TMEM181: variants seen among roughly 807,000 people sequenced by gnomAD.
TMEM181 encodes the protein transmembrane protein 181, also known as G protein-coupled receptor 178.
A neutral mutation model predicts 71.9 loss-of-function variants in TMEM181; 39 were observed. The observed-to-expected ratio is 0.54, with a 90% CI of 0.42 to 0.71. The LOEUF (loss-of-function observed/expected upper bound fraction) is 0.71, where lower values mean the gene tolerates loss of function less well. Ranked by LOEUF, TMEM181 falls within the 30% of genes least tolerant of loss-of-function variation. The pLI is 0.00. For missense variants in TMEM181, 595 were observed against 583.0 expected, an observed-to-expected ratio of 1.02 and a Z score of -0.21; for synonymous variants, 245 against 228.8, an observed-to-expected ratio of 1.07 and a Z score of -0.64.
chr6:158,631,436 C>T, intron 16 of TMEM181, 47 bp downstream of exon 16: 1 of 1,582,234 alleles, frequency 6.3e-7, no homozygotes. Flanking sequence ...GGCATCCCGG[C>T]ACGGCCTTGC....
At chr6:158,579,200 A>T (rs560245320) in intron 2 of TMEM181, among the ~76,000 whole-genome samples, 12 of 151,770 alleles carry the variant, frequency 7.9e-5, no homozygotes, top group African/African-American at 2.4e-4. Flanking sequence ...CGGAGGTTGC[A>T]GTGAGCCGAG....
intron 11 of TMEM181, among the ~76,000 whole-genome samples, 174 bp from the exon 12 acceptor site, chr6:158,624,930 C>T (rs1222760976): frequency 6.6e-6 from 1 of 152,222 alleles, no homozygotes; most frequent in East Asian, 1.9e-4. Context: ...CCTGTGCTCG[C>T]AGCGGGACTG....
At chr6:158,570,683 C>T (rs1253837902) in intron 1 of TMEM181, among the ~76,000 whole-genome samples, 1 of 152,098 alleles carries the variant, frequency 6.6e-6, no homozygotes, top group Non-Finnish European at 1.5e-5. Flanking sequence ...CCTACACCAA[C>T]TCCTCTGGGC....
At chr6:158,600,458 ATTTTTT>A (rs61457107) in intron 6 of TMEM181, among the ~76,000 whole-genome samples, 1 of 91,854 alleles carries the variant, frequency 1.1e-5, no homozygotes, top group South Asian at 4.1e-4. Flanking sequence ...CCTAGGGTTA[ATTTTTT>A]TTTTTTTTTT....
At chr6:158,569,640 G>A (rs552496060) in intron 1 of TMEM181, among the ~76,000 whole-genome samples, 45 of 147,380 alleles carry the variant, frequency 3.1e-4, no homozygotes, top group African/African-American at 8.8e-4. Flanking sequence ...TTGCTCTGTC[G>A]CCCAGGCTGG....
intron 15 of TMEM181, among the ~76,000 whole-genome samples, chr6:158,630,785 G>A (rs1179465688): frequency 6.6e-6 from 1 of 151,486 alleles, no homozygotes; most frequent in Non-Finnish European, 1.5e-5. Context: ...CTTGCACAGG[G>A]AATGAAAAGG....
intron 1 of TMEM181, among the ~76,000 whole-genome samples, chr6:158,569,088 C>T (rs1782665490): frequency 1.3e-5 from 2 of 152,214 alleles, no homozygotes; most frequent in Admixed American, 6.5e-5. Context: ...CGATCCTCCC[C>T]CCTCAGCCTC....
intron 6 of TMEM181, among the ~76,000 whole-genome samples, chr6:158,600,229 G>A (rs1364184775): frequency 6.6e-6 from 1 of 151,672 alleles, no homozygotes; most frequent in Admixed American, 6.6e-5. Context: ...AATGCAGTGC[G>A]ATCTTGGCTC....
At chr6:158,594,373 A>G (rs111992139) in intron 6 of TMEM181, among the ~76,000 whole-genome samples, 18 of 152,282 alleles carry the variant, frequency 1.2e-4, no homozygotes, top group African/African-American at 4.1e-4. Context: ...TGCTGGGATT[A>G]CATGCGTGAG....
intron 5 of TMEM181, among the ~76,000 whole-genome samples, chr6:158,588,306 T>C (rs1032574351): frequency 6.6e-6 from 1 of 152,220 alleles, no homozygotes; most frequent in Non-Finnish European, 1.5e-5. Flanking sequence ...TGAGTTGAGA[T>C]GGTGACCTTG....
At chr6:158,583,896 G>A in intron 3 of TMEM181, 58 bp from the exon 4 acceptor site, 1 of 1,281,408 alleles carries the variant, frequency 7.8e-7, no homozygotes, top group South Asian at 1.4e-5. Context: ...AAAACGATGA[G>A]GTATTTGGTA....
intron 1 of TMEM181, among the ~76,000 whole-genome samples, chr6:158,548,533 G>C (rs1010702146): frequency 6.6e-6 from 1 of 152,180 alleles, no homozygotes; most frequent in Non-Finnish European, 1.5e-5. Context: ...TCAGCCAGCT[G>C]CTCTGGCCAG....
At chr6:158,563,084 T>G (rs377454118) in intron 1 of TMEM181, among the ~76,000 whole-genome samples, 6 of 152,224 alleles carry the variant, frequency 3.9e-5, no homozygotes, top group African/African-American at 1.4e-4. Context: ...CGGATTTAAT[T>G]GCCACAGCAT....
chr6:158,595,156 A>G (rs1212100666), intron 6 of TMEM181, among the ~76,000 whole-genome samples: 1 of 152,244 alleles, frequency 6.6e-6, no homozygotes, highest in Non-Finnish European at 1.5e-5. Context: ...CTAATTACTA[A>G]CATCCTGGTA....
At chr6:158,550,173 C>T (rs1781672356) in intron 1 of TMEM181, among the ~76,000 whole-genome samples, 1 of 151,692 alleles carries the variant, frequency 6.6e-6, no homozygotes, top group Admixed American at 6.6e-5. Flanking sequence ...TGTCAAAACC[C>T]TTTCAGCCAC....
upstream of TMEM181, chr6:158,559,957 T>G: frequency 1.4e-6 from 1 of 704,650 alleles, no homozygotes; most frequent in East Asian, 1.9e-4. Context: ...GCCGTGGGGC[T>G]CCGCCCCGGC....
chr6:158,559,982 G>A (rs1186902776), upstream of TMEM181: 3 of 920,852 alleles, frequency 3.3e-6, no homozygotes, highest in African/African-American at 1.8e-5. Context: ...GGCCACGAAG[G>A]AGGGCCACCC....
intron 10 of TMEM181, among the ~76,000 whole-genome samples, chr6:158,618,181 A>G (rs144437817): frequency 0.17 from 25,212 of 152,078 alleles, 2,209 homozygotes; most frequent in African/African-American, 0.21. Context: ...GTGCATATAT[A>G]TTTAGGATAG....
At chr6:158,599,969 T>TGGGGACGCATGATAGGAGGAA (rs1784580973) in intron 6 of TMEM181, among the ~76,000 whole-genome samples, 2 of 152,074 alleles carry the variant, frequency 1.3e-5, no homozygotes, top group Admixed American at 1.3e-4. Context: ...ACCAGGAGGA[T>TGGGGACGCATGATAGGAGGAA]GGGGACGCAT....
Sources: gnomAD v4.1 joint callset for allele counts (sites outside exome capture counted in the v4.1 genomes callset) on GRCh38, gnomAD v4.1.1 for gene constraint, MANE v1.5 for transcripts, NCBI Gene and HGNC (gene_info 2026-07-23, HGNC 2026-07-21) for gene names.